Variants in TPPP observed in about 807,000 individuals in gnomAD.
TPPP encodes the protein tubulin polymerization-promoting protein.
In TPPP, 6 loss-of-function variants were observed where a neutral mutation model predicts 15.5. That is an observed-to-expected ratio of 0.39 (90% CI 0.21 to 0.77). The LOEUF is 0.77. Among genes scored for constraint, TPPP ranks in the 30% least tolerant of loss-of-function variants. The pLI is 0.42. For synonymous variants in TPPP, 146 were observed against 133.9 expected (o/e 1.09, Z -0.63); for missense variants, 269 against 307.2 (o/e 0.88, Z 0.93).
upstream of TPPP, among the ~76,000 whole-genome samples, chr5:695,645 C>A (rs1281397514): frequency 6.6e-6 from 1 of 151,682 alleles, no homozygotes; most frequent in African/African-American, 2.4e-5. Flanking sequence ...GTGGTGGCCG[C>A]ATGGCTCCAC....
At chr5:700,457 G>T in the TPPP span, among the ~76,000 whole-genome samples, 2 of 152,084 alleles carry the variant, frequency 1.3e-5, no homozygotes, top group South Asian at 4.1e-4. Flanking sequence ...GTGGAAGGGG[G>T]TGAGAGTTGA....
intron 1 of TPPP, among the ~76,000 whole-genome samples, chr5:684,309 A>C (rs996434444): frequency 2.6e-5 from 4 of 152,178 alleles, no homozygotes; most frequent in African/African-American, 9.7e-5. Flanking sequence ...GCACAGCCCC[A>C]AGGGAGACCT....
At chr5:685,896 A>G (rs1198579221) in intron 1 of TPPP, among the ~76,000 whole-genome samples, 1 of 152,112 alleles carries the variant, frequency 6.6e-6, no homozygotes, top group Admixed American at 6.5e-5. Flanking sequence ...CGCAGGTGGG[A>G]GGATGGAACA....
At chr5:667,022 C>A (rs916728745) in intron 2 of TPPP, 3 of 152,238 alleles carry the variant, frequency 2.0e-5, no homozygotes, top group Admixed American at 2.0e-4. Context: ...TCCGAGGGCA[C>A]TCCCAGCTGC....
At chr5:669,755 C>T (rs1372529134) in intron 2 of TPPP, among the ~76,000 whole-genome samples, 5 of 152,036 alleles carry the variant, frequency 3.3e-5, no homozygotes, top group South Asian at 2.1e-4. Context: ...AAAGGGCGCC[C>T]GGGTCTCTGC....
At chr5:694,293 G>A (rs1740978865), upstream of TPPP, among the ~76,000 whole-genome samples, 1 of 150,478 alleles carries the variant, frequency 6.6e-6, no homozygotes, top group Non-Finnish European at 1.5e-5. Context: ...GGGACTTGAG[G>A]GGCATAGGGG....
chr5:668,434 C>T lies in TPPP; in HGVS notation c.312-2311G>A, dbSNP rs1285993730. ...CACAGAGAGGGGGCCGCGTGGGCGC[C>T]GTCAGGGAAGTGCGGACAAGCACAC... On this transcript the variant is annotated intron_variant, in intron 2 of 3. Transcript: ENST00000360578. Among the ~76,000 whole-genome samples, 67 of 126,352 alleles carry T rather than the reference C, an allele frequency of 5.3e-4. 2 individuals are homozygous for T. The highest frequency in any genetic ancestry group is 1.9e-3 in the African/African-American group (65 of 34,396). 82.9% of individuals were successfully genotyped at this position (126,352 alleles called of 152,430 possible). A position where few individuals can be genotyped will look rare whatever the true frequency, so the allele number is the denominator to read the frequency against.
rs1216029973 is a variant in TPPP at position 662,474 on chromosome 5, G to C, written c.*2628C>G. 6.6e-6 allele frequency: 1 copy of C among 152,444 alleles called. No homozygotes were observed. The highest frequency in any genetic ancestry group is 6.5e-5 in the Admixed American group (1 of 15,292). The allele number at this position is 152,444 out of a possible 1,614,324, so 9.4% of individuals were successfully genotyped here. ...CCGGATCAGGGCCTGGCGAGCCTCT[G>C]TGCCTGCCGTGCGGTGTGAGGACCC... On this transcript the variant is annotated 3_prime_UTR_variant, in exon 4 of 4. Coordinates refer to ENST00000360578, the MANE Select transcript of TPPP (RefSeq NM_007030.3).
intron 1 of TPPP, among the ~76,000 whole-genome samples, chr5:683,434 C>T (rs970768401): frequency 4.0e-4 from 61 of 152,344 alleles, no homozygotes; most frequent in Admixed American, 7.8e-4. Context: ...AGGAGCCCCG[C>T]GTGCTTCTGC....
At position 662,632 on chromosome 5, in the gene TPPP, A is replaced by C. The variant is rs1739681540; in HGVS notation, c.*2470T>G. 1 of 152,552 alleles carries C rather than the reference A, an allele frequency of 6.6e-6. No homozygotes were observed. Among genetic ancestry groups the C allele is most frequent in the Admixed American group, 6.5e-5 (1 of 15,286 alleles). The allele number at this position is 152,552 out of a possible 1,614,324, so 9.4% of individuals were successfully genotyped here. Reference sequence around the variant, plus strand: ...GGGGACTGGGCTGCCCACGGACAGAAAGGAGAAACGCAGCCTGTGACCAGG... The same window carrying C: ...GGGGACTGGGCTGCCCACGGACAGACAGGAGAAACGCAGCCTGTGACCAGG... On this transcript the variant is annotated 3_prime_UTR_variant, in exon 4 of 4. Transcript: ENST00000360578.
At chr5:694,419 C>T (rs1740981653), upstream of TPPP, among the ~76,000 whole-genome samples, 1 of 126,786 alleles carries the variant, frequency 7.9e-6, no homozygotes, top group South Asian at 2.6e-4. Context: ...TCCCCCAGCC[C>T]CGGCTCTGTC....
chr5:681,722 G>A (rs1740629527), intron 1 of TPPP, among the ~76,000 whole-genome samples: 1 of 140,936 alleles, frequency 7.1e-6, no homozygotes, highest in African/African-American at 2.6e-5. Flanking sequence ...TGGCACCTAC[G>A]GGCTCACCCA....
At chr5:677,017 CGCACACGT>C (rs1740471186) in intron 2 of TPPP, among the ~76,000 whole-genome samples, 1 of 149,864 alleles carries the variant, frequency 6.7e-6, no homozygotes, top group Admixed American at 6.6e-5. Flanking sequence ...CGCAGAAACG[CGCACACGT>C]GCACACACGA....
intron 2 of TPPP, among the ~76,000 whole-genome samples, chr5:674,921 G>A (rs975135078): frequency 3.3e-5 from 5 of 151,516 alleles, no homozygotes; most frequent in Admixed American, 2.0e-4. Context: ...AGAGTCAGGC[G>A]CCAGTTGCTT....
intron 2 of TPPP, among the ~76,000 whole-genome samples, chr5:674,824 C>T (rs1372527427): frequency 6.6e-6 from 1 of 151,676 alleles, no homozygotes; most frequent in East Asian, 1.9e-4. Context: ...CAGCGGCTGA[C>T]ATAAGCCCTG....
intron 2 of TPPP, among the ~76,000 whole-genome samples, chr5:673,789 G>A (rs1740306434): frequency 6.6e-6 from 1 of 152,198 alleles, no homozygotes; most frequent in Non-Finnish European, 1.5e-5. Flanking sequence ...CTCCAGCCCT[G>A]CCTCTGGGAA....
chr5:693,997 C>T (rs1740970378), upstream of TPPP, among the ~76,000 whole-genome samples: 2 of 132,084 alleles, frequency 1.5e-5, no homozygotes, highest in Admixed American at 7.6e-5. Context: ...CGCAGCTGCT[C>T]GGGAGTGGGC....
chr5:693,272 G>C lies in TPPP; in HGVS notation c.-5+6C>G, dbSNP rs111606523. ...GCCCGCGGGACCGAGCCCCGCGCCC[G>C]CTTACCTTGGAGACGCAGCGACTGC... On this transcript the variant is annotated splice_donor_region_variant and intron_variant, in intron 1 of 3. Transcript: ENST00000360578. The C allele has an allele frequency of 6.7e-6, 1 of 148,982 alleles. No homozygotes were observed. Among genetic ancestry groups the C allele is most frequent in the Non-Finnish European group, 1.5e-5 (1 of 66,784 alleles). The allele number at this position is 148,982 out of a possible 1,614,324, so 9.2% of individuals were successfully genotyped here.
At position 665,309 on chromosome 5, in the gene TPPP, C is replaced by A. The variant is rs1322522772; in HGVS notation, c.466-13G>T. The A allele has an allele frequency of 1.2e-6, 2 of 1,608,072 alleles. No individual in the cohort carries two copies. The highest frequency in any genetic ancestry group is 2.2e-5 in the South Asian group (2 of 90,556). On this transcript the variant is annotated splice_polypyrimidine_tract_variant and intron_variant, in intron 3 of 3. Transcript: ENST00000360578. ...ACGAGATGGCTTTCTGCAAGAGGAG[C>A]AGGAGGAAGGGGGCAGGTGAGTTGC... is the stretch of plus-strand genomic sequence containing the variant.
Sources: gnomAD v4.1 joint callset for allele counts (sites outside exome capture counted in the v4.1 genomes callset) on GRCh38, gnomAD v4.1.1 for gene constraint, MANE v1.5 for transcripts, NCBI Gene and HGNC (gene_info 2026-07-23, HGNC 2026-07-21) for gene names.